The following SMARCD3 variants were observed in gnomAD, a reference collection of about 807,000 sequenced individuals.
The protein encoded by SMARCD3 is SWI/SNF related BAF chromatin remodeling complex subunit D3.
SMARCD3 carries 14 observed loss-of-function variants against 58.0 expected under a neutral mutation model. The observed-to-expected ratio is 0.24, with a 90% CI of 0.16 to 0.38. The LOEUF (loss-of-function observed/expected upper bound fraction) is 0.38. Ranked by LOEUF, SMARCD3 falls within the 10% of genes least tolerant of loss-of-function variation. The probability of loss-of-function intolerance (pLI) is 1.00; values close to 1 mark genes in which losing one functional copy is unlikely to be tolerated. For missense variants in SMARCD3, 408 were observed against 636.9 expected (o/e 0.64, Z 3.87); for synonymous variants, 253 against 253.8 (o/e 1.00, Z 0.03).
chr7:151,260,063 G>C (rs1051684653), intron 2 of SMARCD3, among the ~76,000 whole-genome samples: 6 of 152,134 alleles, frequency 3.9e-5, no homozygotes, highest in Non-Finnish European at 1.5e-5. Context: ...TAATGAAAAT[G>C]AGGCTCTAAG....
At chr7:151,273,853 C>T (rs1164910375) in intron 2 of SMARCD3, among the ~76,000 whole-genome samples, 1 of 152,184 alleles carries the variant, frequency 6.6e-6, no homozygotes, top group Non-Finnish European at 1.5e-5. Flanking sequence ...CCCCATTTTG[C>T]CCTGGGCCTG....
intron 2 of SMARCD3, among the ~76,000 whole-genome samples, chr7:151,258,520 T>C (rs1164749674): frequency 6.8e-6 from 1 of 146,418 alleles, no homozygotes; most frequent in East Asian, 2.0e-4. Context: ...AGCCAAGATT[T>C]CGCCACTGCA....
chr7:151,256,824 G>T (rs1433464193), intron 2 of SMARCD3, among the ~76,000 whole-genome samples: 1 of 151,910 alleles, frequency 6.6e-6, no homozygotes, highest in Non-Finnish European at 1.5e-5. Flanking sequence ...CACACCCTCT[G>T]CCTGCCAGCA....
chr7:151,275,753 C>CCA (rs1260012058), intron 1 of SMARCD3, among the ~76,000 whole-genome samples: 2 of 152,206 alleles, frequency 1.3e-5, no homozygotes, highest in African/African-American at 4.8e-5. Flanking sequence ...CTGCTAGTGC[C>CCA]TGCTCTGTCC....
rs776945065 is a variant in SMARCD3 at position 151,239,286 on chromosome 7, C to T, written c.1398+110G>A. On this transcript the variant is annotated intron_variant, in intron 12 of 12. Coordinates refer to ENST00000262188, the MANE Select transcript of SMARCD3 (RefSeq NM_001003801.2). This position sits in a 1 kb window ranked among gnomAD's most constrained non-coding sequence, Gnocchi z 7.0. Reference sequence around the variant, plus strand: ...GGAGGGCCATTGCATGGTGAGGCAGCGTGGTGAAGCTTTACTGTGGGGAGC... The same window carrying T: ...GGAGGGCCATTGCATGGTGAGGCAGTGTGGTGAAGCTTTACTGTGGGGAGC... 1.1e-5 allele frequency: 14 copies of T among 1,305,492 alleles called. No individual in the cohort carries two copies. The highest frequency in any genetic ancestry group is 1.3e-5 in the Non-Finnish European group (12 of 901,812). 80.9% of individuals were successfully genotyped at this position (1,305,492 alleles called of 1,614,324 possible). A position where few individuals can be genotyped will look rare whatever the true frequency, so the allele number is the denominator to read the frequency against.
chr7:151,256,332 A>C (rs548692359), intron 2 of SMARCD3, among the ~76,000 whole-genome samples: 2 of 151,608 alleles, frequency 1.3e-5, no homozygotes, highest in South Asian at 4.2e-4. Context: ...CACCATGCCT[A>C]GCTACTTTTT....
rs145547746 is a variant in SMARCD3, at chr7:151,273,018, C to T, written c.39+2096G>A. 1.6e-4 allele frequency among the ~76,000 whole-genome samples: 25 copies of T among 152,328 alleles called. No homozygotes were observed. The East Asian group carries it at 4.6e-3, about 28-fold the overall frequency. On this transcript the variant is annotated intron_variant, in intron 2 of 13. Transcript: ENST00000356800. ...GAGCACTCACTTGCAGTCACACCGC[C>T]AGTTTTGGGGTGAGGACGGACGCCT...
intron 1 of SMARCD3, among the ~76,000 whole-genome samples, chr7:151,276,056 G>C (rs57667546): frequency 0.013 from 1,930 of 151,722 alleles, 42 homozygotes; most frequent in African/African-American, 0.045. Flanking sequence ...TGCTGGGGAT[G>C]GGAGAGCTGG....
intron 2 of SMARCD3, among the ~76,000 whole-genome samples, chr7:151,257,890 C>T (rs1343738750): frequency 6.6e-6 from 1 of 152,178 alleles, no homozygotes; most frequent in Non-Finnish European, 1.5e-5. Flanking sequence ...CAGTTTCCTC[C>T]AGCCCGGTCC....
Position 151,248,401 on chromosome 7 carries a change from C to A in SMARCD3, c.78+84G>T. 1 of 1,174,428 alleles carries A rather than the reference C, an allele frequency of 8.5e-7. No homozygotes were observed. Among genetic ancestry groups the A allele is most frequent in the Non-Finnish European group, 1.3e-6 (1 of 795,926 alleles). 72.8% of individuals were successfully genotyped at this position (1,174,428 alleles called of 1,614,324 possible). A position where few individuals can be genotyped will look rare whatever the true frequency, so the allele number is the denominator to read the frequency against. On this transcript the variant is annotated intron_variant, in intron 1 of 12. Coordinates refer to ENST00000262188, the MANE Select transcript of SMARCD3 (RefSeq NM_001003801.2). This position sits in a 1 kb window ranked among gnomAD's most constrained non-coding sequence, Gnocchi z 6.1. ...CACTAGAGGGGTGGGAGAGCGGGAG[C>A]GCCCTCCCGGCCCCTCCCGATCAGC...
chr7:151,271,077 C>T (rs1206854318), intron 2 of SMARCD3, among the ~76,000 whole-genome samples: 2 of 152,110 alleles, frequency 1.3e-5, no homozygotes, highest in Non-Finnish European at 2.9e-5. Context: ...TTCATGTGTT[C>T]ACAAGGAAAC....
In SMARCD3 at chr7:151,242,241, G is replaced by C. The variant is rs373461865; in HGVS notation, c.580-9C>G. The C allele has an allele frequency of 1.8e-5, 29 of 1,607,300 alleles. No individual in the cohort carries two copies. The highest frequency in any genetic ancestry group is 2.2e-5 in the Non-Finnish European group (26 of 1,173,932). On this transcript the variant is annotated splice_polypyrimidine_tract_variant and intron_variant, in intron 5 of 12. Transcript: ENST00000262188. The surrounding 1 kb of genome is among the most constrained non-coding windows in gnomAD (Gnocchi z 4.7). ...CGCTTCTGTTTGCTGGGCTGTGGGAGAGCAACAGGGACCATGGGGGCAGAA... is the reference window on the plus strand; with the variant it reads ...CGCTTCTGTTTGCTGGGCTGTGGGACAGCAACAGGGACCATGGGGGCAGAA...
chr7:151,274,390 G>A (rs538832419), intron 2 of SMARCD3, among the ~76,000 whole-genome samples: 2 of 152,384 alleles, frequency 1.3e-5, no homozygotes, highest in African/African-American at 4.8e-5. Flanking sequence ...GACAAGTGGG[G>A]ACTGATGCGG....
At chr7:151,240,272 T>C (rs370967198) in intron 9 of SMARCD3, 25 bp from the exon 10 acceptor site, 1 of 1,581,296 alleles carries the variant, frequency 6.3e-7, no homozygotes, top group African/African-American at 1.6e-5. Context: ...CAGCCCTTCG[T>C]GTCCACGATG....
chr7:151,241,705 C>T lies in SMARCD3; in HGVS notation c.778-52G>A. 1 of 1,548,904 alleles carries T rather than the reference C, an allele frequency of 6.5e-7. No homozygotes were observed. Among genetic ancestry groups the T allele is most frequent in the Non-Finnish European group, 8.8e-7 (1 of 1,132,308 alleles). ...GACCAAAGGGAGAGAAAGGAAGGAG[C>T]CCAGGGCCAGGCCATTCAGGACTAG... On this transcript the variant is annotated intron_variant, in intron 7 of 12. Coordinates refer to ENST00000262188, the MANE Select transcript of SMARCD3 (RefSeq NM_001003801.2). This position sits in a 1 kb window ranked among gnomAD's most constrained non-coding sequence, Gnocchi z 5.3.
rs1465993265 is a variant in SMARCD3, at chr7:151,248,479, A to T, written c.78+6T>A. ...TGCCCTCCCCCGCTAACTTTCCCCC[A>T]CTCACCACCCCATGGACCAGAAACT... On this transcript the variant is annotated splice_donor_region_variant and intron_variant, in intron 1 of 12. Transcript: ENST00000262188. The surrounding 1 kb of genome is among the most constrained non-coding windows in gnomAD (Gnocchi z 6.1). 4.5e-6 allele frequency: 7 copies of T among 1,572,348 alleles called. 1 individual carries two copies.
chr7:151,255,614 C>T (rs1476134980), intron 2 of SMARCD3, among the ~76,000 whole-genome samples: 1 of 152,154 alleles, frequency 6.6e-6, no homozygotes, highest in African/African-American at 2.4e-5. Flanking sequence ...CTCCCAAGGT[C>T]ATCTCTTAGA....
At chr7:151,270,607 T>C (rs995984349) in intron 2 of SMARCD3, among the ~76,000 whole-genome samples, 6 of 151,886 alleles carry the variant, frequency 4.0e-5, no homozygotes, top group Non-Finnish European at 8.8e-5. Flanking sequence ...GGAACTGACG[T>C]GGAGGCTTCA....
upstream of SMARCD3, among the ~76,000 whole-genome samples, chr7:151,253,576 G>T (rs545266616): frequency 3.8e-5 from 1 of 26,438 alleles, no homozygotes; most frequent in Non-Finnish European, 6.8e-5. Context: ...ACTGCTGGTG[G>T]CAGGAGAGCG....
Sources: allele counts gnomAD v4.1 joint callset (sites outside exome capture counted in the v4.1 genomes callset), GRCh38; gene constraint gnomAD v4.1.1; non-coding constraint Gnocchi (gnomAD v3.1); transcripts MANE v1.5; gene names NCBI Gene and HGNC (gene_info 2026-07-23, HGNC 2026-07-21).